The following CELSR1 variants were observed in gnomAD, a reference collection of about 807,000 sequenced individuals.
CELSR1 encodes the protein adhesion G protein-coupled receptor C1.
CELSR1 carries 110 observed loss-of-function variants against 249.1 expected under a neutral mutation model. The observed-to-expected ratio is 0.44, with a 90% confidence interval of 0.38 to 0.52. The LOEUF is 0.52. CELSR1 is among the 20% of genes least tolerant of loss of function. The pLI, the probability that CELSR1 is intolerant of heterozygous loss-of-function variation, is 0.00. For missense variants in CELSR1, 4,109 were observed against 4,296.4 expected, an observed-to-expected ratio of 0.96 and a Z score of 1.22; for synonymous variants, 2,113 against 1,900.0, an observed-to-expected ratio of 1.11 and a Z score of -2.92.
intron 1 of CELSR1, among the ~76,000 whole-genome samples, chr22:46,486,979 G>A (rs1042916207): frequency 4.0e-5 from 6 of 151,844 alleles, no homozygotes; most frequent in African/African-American, 7.3e-5. Flanking sequence ...CTCATCACAC[G>A]TTTACTGAGC....
intron 1 of CELSR1, among the ~76,000 whole-genome samples, chr22:46,496,589 T>A (rs949014705): frequency 6.6e-6 from 1 of 151,682 alleles, no homozygotes; most frequent in Non-Finnish European, 1.5e-5. Flanking sequence ...ATATTTTTTC[T>A]TTCTTTATAT....
In CELSR1 at chr22:46,409,211, C is replaced by T. The variant is rs2079302226; in HGVS notation, c.5060-49G>A. ...TCAGGTGTCTCCCGAAATCACACGGCCGCGGACTTGGCTGCAGGGGCGGGG... is the reference window on the plus strand; with the variant it reads ...TCAGGTGTCTCCCGAAATCACACGGTCGCGGACTTGGCTGCAGGGGCGGGG... On this transcript the variant is annotated intron_variant, in intron 8 of 34. Transcript: ENST00000674500. This position sits in a 1 kb window ranked among gnomAD's most constrained non-coding sequence, Gnocchi z 9.8. 2 of 1,596,742 alleles carry T rather than the reference C, an allele frequency of 1.3e-6. No individual in the cohort carries two copies.
rs550246095 is a variant in CELSR1 at position 46,406,962 on chromosome 22, G to T, written c.5226+2034C>A. Among the ~76,000 whole-genome samples the T allele has an allele frequency of 6.6e-6, 1 of 152,352 alleles. No individual in the cohort carries two copies. Among genetic ancestry groups the T allele is most frequent in the Admixed American group, 6.5e-5 (1 of 15,308 alleles). On this transcript the variant is annotated intron_variant, in intron 9 of 34. Coordinates refer to ENST00000674500, the MANE Select transcript of CELSR1 (RefSeq NM_001378328.1). This position sits in a 1 kb window ranked among gnomAD's most constrained non-coding sequence, Gnocchi z 5.4. ...CACAGCTGATGGCGGAGGACACGCA[G>T]CCCAGACGCCGCTTTGGGAGGGACT...
intron 1 of CELSR1, among the ~76,000 whole-genome samples, chr22:46,513,610 G>A (rs971850292): frequency 2.6e-5 from 4 of 151,994 alleles, no homozygotes; most frequent in African/African-American, 9.7e-5. Context: ...CCCTTATCTC[G>A]TGCACCAGGG....
intron 23 of CELSR1, chr22:46,377,677 T>G: frequency 4.5e-6 from 1 of 222,024 alleles, no homozygotes; most frequent in Non-Finnish European, 9.1e-6. Flanking sequence ...ATGAACAAAC[T>G]CCACTAATCA....
intron 20 of CELSR1, among the ~76,000 whole-genome samples, chr22:46,382,625 G>A (rs887243391): frequency 6.6e-6 from 1 of 152,080 alleles, no homozygotes; most frequent in Non-Finnish European, 1.5e-5. Flanking sequence ...CATTCACACA[G>A]GCCAAAAGGT....
intron 1 of CELSR1, among the ~76,000 whole-genome samples, chr22:46,504,992 G>A (rs1381847682): frequency 6.6e-6 from 1 of 152,246 alleles, no homozygotes; most frequent in Non-Finnish European, 1.5e-5. Flanking sequence ...GCCGGGTGCG[G>A]CGGCTCACGC....
chr22:46,485,929 C>CTTTTT lies in CELSR1; in HGVS notation c.3545-21589_3545-21585dup, dbSNP rs77749125. Among the ~76,000 whole-genome samples, 10 of 104,780 alleles carry CTTTTT rather than the reference C, an allele frequency of 9.5e-5. 1 individual carries two copies. The highest frequency in any genetic ancestry group is 1.6e-4 in the Non-Finnish European group (9 of 56,984). 68.7% of individuals were successfully genotyped at this position (104,780 alleles called of 152,430 possible). ...TTAATATGCTCTAACCTTTCAGGTA[C>CTTTTT]TTTTTTTTTTTTTTTTTTTTTTTTT... is the stretch of plus-strand genomic sequence containing the variant. On this transcript the variant is annotated intron_variant, in intron 1 of 34. Coordinates refer to ENST00000674500, the MANE Select transcript of CELSR1 (RefSeq NM_001378328.1).
rs370921649 is a variant in CELSR1 at position 46,533,788 on chromosome 22, G to A, written c.3383C>T (p.Pro1128Leu). The change falls in exon 1 of 35, where the codon CCG (proline) becomes CTG (leucine). Residue 1128 changes from proline (P) to leucine (L), a missense_variant. Around this residue, in one of 7 missense-constraint regions of CELSR1, gnomAD observed 886 missense variants for 896.5 expected, o/e 0.99. Coordinates refer to ENST00000674500, the MANE Select transcript of CELSR1 (RefSeq NM_001378328.1). ...SFPTGVIGCI[P>L]AHDPDVSDSL... is the part of the protein sequence containing the mutation. ...GTCTGACACGTCGGGGTCATGGGCC[G>A]GGATGCAGCCGATCACGCCGGTGGG... is the stretch of plus-strand genomic sequence containing the variant. 1.4e-5 allele frequency: 23 copies of A among 1,613,578 alleles called. No homozygotes were observed. Among genetic ancestry groups the A allele is most frequent in the Admixed American group, 5.0e-5 (3 of 60,016 alleles).
Position 46,388,205 on chromosome 22 carries a change from C to T in CELSR1, c.6555+1085G>A, listed in dbSNP as rs9627439. 7.1e-3 allele frequency among the ~76,000 whole-genome samples: 1,074 copies of T among 152,138 alleles called. 12 individuals are homozygous for T. The highest frequency in any genetic ancestry group is 0.024 in the African/African-American group (1,002 of 41,502). On this transcript the variant is annotated intron_variant, in intron 18 of 34. Coordinates refer to ENST00000674500, the MANE Select transcript of CELSR1 (RefSeq NM_001378328.1). ...CTCTACCAAAAATACAAAAATTAGC[C>T]GGGCGTGGTGGCGGGCGCCTGTAAT...
In CELSR1 at chr22:46,363,303, G is replaced by C; in HGVS notation, c.9036-56C>G. On this transcript the variant is annotated intron_variant, in intron 34 of 34. Transcript: ENST00000674500. The surrounding 1 kb of genome is among the most constrained non-coding windows in gnomAD (Gnocchi z 4.3). ...GAAGGGTCAGTGAGGGTAGCGGCTT[G>C]GTGGGGCCCAAGGTTGTCACACGGG... 6.7e-7 allele frequency: 1 copy of C among 1,502,846 alleles called. No individual in the cohort carries two copies. The highest frequency in any genetic ancestry group is 1.1e-5 in the South Asian group (1 of 87,290). 93.1% of individuals were successfully genotyped at this position (1,502,846 alleles called of 1,614,324 possible). A position where few individuals can be genotyped will look rare whatever the true frequency, so the allele number is the denominator to read the frequency against.
chr22:46,368,018 C>T (rs535959055), intron 27 of CELSR1, among the ~76,000 whole-genome samples, 163 bp from the exon 28 acceptor site: 1 of 152,200 alleles, frequency 6.6e-6, no homozygotes, highest in Non-Finnish European at 1.5e-5. Flanking sequence ...TTCCTCCCCT[C>T]GTAGCCAGGT....
Position 46,364,255 on chromosome 22 carries a change from G to T in CELSR1, c.8780-4C>A. ...GTGACTTTATTTTTCAAGATGCCTG[G>T]GAGGAGGAGACACGGCAAGGTCAAG... is the stretch of plus-strand genomic sequence containing the variant. On this transcript the variant is annotated splice_polypyrimidine_tract_variant and splice_region_variant and intron_variant, in intron 33 of 34. Transcript: ENST00000674500. 6.2e-7 allele frequency: 1 copy of T among 1,606,982 alleles called. No individual in the cohort carries two copies.
intron 9 of CELSR1, among the ~76,000 whole-genome samples, chr22:46,403,120 C>T (rs2079225417): frequency 6.6e-6 from 1 of 152,082 alleles, no homozygotes; most frequent in Non-Finnish European, 1.5e-5. Context: ...TTTGTATGCA[C>T]CTAATAACCT....
chr22:46,420,504 A>G (rs2079457288), intron 5 of CELSR1, among the ~76,000 whole-genome samples: 1 of 152,198 alleles, frequency 6.6e-6, no homozygotes, highest in Non-Finnish European at 1.5e-5. Context: ...GCACACGTGG[A>G]CACACCCACT....
chr22:46,397,535 G>T, intron 12 of CELSR1, 139 bp downstream of exon 12: 1 of 777,340 alleles, frequency 1.3e-6, no homozygotes, highest in Non-Finnish European at 1.8e-6. Context: ...GGGCCCGCTT[G>T]TTATAAAATA....
chr22:46,366,280 G>T (rs1381319396), intron 30 of CELSR1, 106 bp downstream of exon 30: 4 of 445,308 alleles, frequency 9.0e-6, no homozygotes, highest in Non-Finnish European at 1.3e-5. Context: ...AAAGTTGGGG[G>T]TGGAAGGTGA....
Position 46,399,971 on chromosome 22 carries a change from C to G in CELSR1, c.5227-69G>C, listed in dbSNP as rs527286833. ...TGAAAGAGAAAACATTTTGCAGTCA[C>G]TTAAACAAGGAAGCTGTGAAAGGAG... is the stretch of plus-strand genomic sequence containing the variant. On this transcript the variant is annotated intron_variant, in intron 9 of 34. Transcript: ENST00000674500. This position sits in a 1 kb window ranked among gnomAD's most constrained non-coding sequence, Gnocchi z 5.0. The G allele has an allele frequency of 2.0e-6, 3 of 1,490,304 alleles. No individual in the cohort carries two copies. Among genetic ancestry groups the G allele is most frequent in the South Asian group, 2.5e-5 (2 of 81,138 alleles). 92.3% of individuals were successfully genotyped at this position (1,490,304 alleles called of 1,614,324 possible). A position where few individuals can be genotyped will look rare whatever the true frequency, so the allele number is the denominator to read the frequency against.
At chr22:46,491,036 C>T (rs2080362357) in intron 1 of CELSR1, among the ~76,000 whole-genome samples, 1 of 152,030 alleles carries the variant, frequency 6.6e-6, no homozygotes, top group African/African-American at 2.4e-5. Context: ...GGAGGGCCCC[C>T]CAACATCCAT....
Sources: allele counts gnomAD v4.1 joint callset (sites outside exome capture counted in the v4.1 genomes callset), GRCh38; gene constraint gnomAD v4.1.1; regional missense constraint gnomAD v4.1.1; non-coding constraint Gnocchi (gnomAD v3.1); transcripts MANE v1.5; gene names NCBI Gene and HGNC (gene_info 2026-07-23, HGNC 2026-07-21).